CDKAL1: variants seen among roughly 807,000 people sequenced by gnomAD.
CDKAL1 encodes the protein CDKAL1 threonylcarbamoyladenosine tRNA methylthiotransferase, also known as threonylcarbamoyladenosine tRNA methylthiotransferase.
Under a neutral mutation model 68.2 loss-of-function variants are expected in CDKAL1, and 32 were observed. The ratio of observed to expected loss-of-function variants is 0.47; its 90% CI spans 0.35 to 0.63. The LOEUF (loss-of-function observed/expected upper bound fraction) is 0.63, where lower values mean the gene tolerates loss of function less well. Among genes scored for constraint, CDKAL1 ranks in the 30% least tolerant of loss-of-function variants. CDKAL1 has a pLI of 0.00. For missense variants in CDKAL1, 606 were observed against 696.7 expected (o/e 0.87, Z 1.47); for synonymous variants, 234 against 244.3 (o/e 0.96, Z 0.39).
At chr6:20,750,793 A>G (rs1042870601) in intron 6 of CDKAL1, among the ~76,000 whole-genome samples, 35 of 151,748 alleles carry the variant, frequency 2.3e-4, no homozygotes, top group African/African-American at 8.0e-4. Context: ...GTGAAACCCT[A>G]TCTCTGCTAA....
chr6:20,908,000 T>TCTCCCCATAATGAGAAGTGA (rs1475495425), intron 9 of CDKAL1, among the ~76,000 whole-genome samples: 8 of 152,322 alleles, frequency 5.3e-5, no homozygotes, highest in Admixed American at 1.3e-4. Flanking sequence ...ATAATGACCT[T>TCTCCCCATAATGAGAAGTGA]CATTCAGAGA....
chr6:20,853,492 A>T (rs1221670582), intron 9 of CDKAL1, among the ~76,000 whole-genome samples: 1 of 151,988 alleles, frequency 6.6e-6, no homozygotes, highest in Non-Finnish European at 1.5e-5. Flanking sequence ...ATTAATCGAG[A>T]TTCTTCATGG....
intron 9 of CDKAL1, among the ~76,000 whole-genome samples, chr6:20,934,596 G>C (rs1322357255): frequency 1.3e-5 from 2 of 151,968 alleles, no homozygotes; most frequent in African/African-American, 2.4e-5. Context: ...TATAATCCCA[G>C]CACTTTGGGA....
chr6:20,957,079 T>A (rs1399921972), intron 10 of CDKAL1, among the ~76,000 whole-genome samples: 1 of 150,088 alleles, frequency 6.7e-6, no homozygotes, highest in African/African-American at 2.5e-5. Context: ...GCAGTAAATG[T>A]GAGGCATACA....
chr6:20,840,507 C>T (rs1778132343), intron 8 of CDKAL1, among the ~76,000 whole-genome samples: 1 of 152,142 alleles, frequency 6.6e-6, no homozygotes, highest in Non-Finnish European at 1.5e-5. Context: ...GAAACTAACT[C>T]CGAAAGTTCA....
chr6:21,100,468 A>G (rs1418956712), intron 12 of CDKAL1, among the ~76,000 whole-genome samples: 1 of 152,240 alleles, frequency 6.6e-6, no homozygotes, highest in East Asian at 1.9e-4. Context: ...AAGAAGTTCA[A>G]GACAACAGTC....
chr6:20,652,104 T>C (rs1353840931), intron 5 of CDKAL1, among the ~76,000 whole-genome samples: 1 of 152,234 alleles, frequency 6.6e-6, no homozygotes, highest in East Asian at 1.9e-4. Context: ...TTCAGTTGTT[T>C]GGAGTAGTTT....
intron 13 of CDKAL1, among the ~76,000 whole-genome samples, chr6:21,183,599 G>C (rs1327013961): frequency 2.6e-5 from 4 of 152,164 alleles, no homozygotes; most frequent in African/African-American, 7.2e-5. Context: ...TTGAAGTTAT[G>C]AATGTGTTTC....
rs1446544759 is a variant in CDKAL1, at chr6:21,091,885, T to C, written c.1237-16516T>C. On this transcript the variant is annotated intron_variant, in intron 12 of 15. Transcript: ENST00000274695. ...TTTTTTTTTTTTTTTTTTTTTTTTT[T>C]TTTTTTTTTTTTTTTTTTTGAGACG... 5.6e-4 allele frequency among the ~76,000 whole-genome samples: 7 copies of C among 12,540 alleles called. 1 individual carries two copies. Among genetic ancestry groups the C allele is most frequent in the Non-Finnish European group, 7.1e-4 (5 of 6,996 alleles). The allele number at this position is 12,540 out of a possible 152,430, so 8.2% of individuals were successfully genotyped here. A position where few individuals can be genotyped will look rare whatever the true frequency, so the allele number is the denominator to read the frequency against.
At chr6:20,818,345 C>T (rs1190295039) in intron 8 of CDKAL1, among the ~76,000 whole-genome samples, 1 of 152,090 alleles carries the variant, frequency 6.6e-6, no homozygotes, top group African/African-American at 2.4e-5. Flanking sequence ...CAGCAATAAA[C>T]TCAAATTATT....
chr6:20,639,488 C>T (rs1014664530), intron 4 of CDKAL1, among the ~76,000 whole-genome samples: 3 of 152,164 alleles, frequency 2.0e-5, no homozygotes, highest in Non-Finnish European at 4.4e-5. Flanking sequence ...TGCTCGTTCT[C>T]CCAGCGCTCC....
intron 10 of CDKAL1, among the ~76,000 whole-genome samples, chr6:20,977,533 A>G (rs1018401931): frequency 6.6e-6 from 1 of 152,146 alleles, no homozygotes; most frequent in Non-Finnish European, 1.5e-5. Flanking sequence ...GGTCTATATT[A>G]TCTCCTAGGT....
chr6:20,610,783 G>A (rs1766584789), intron 4 of CDKAL1, among the ~76,000 whole-genome samples: 1 of 152,186 alleles, frequency 6.6e-6, no homozygotes, highest in Admixed American at 6.5e-5. Context: ...AATTCTTTCA[G>A]AAAAGATCTG....
chr6:21,064,610 T>C lies in CDKAL1; in HGVS notation c.1056-438T>C, dbSNP rs191539865. ...AACTGAATAGTATATCAATTGGCTC[T>C]ACAGTGAAAGTTATCTTTGCAATTG... On this transcript the variant is annotated intron_variant, in intron 11 of 15. Coordinates refer to ENST00000274695, the MANE Select transcript of CDKAL1 (RefSeq NM_017774.3). 5.5e-4 allele frequency among the ~76,000 whole-genome samples: 84 copies of C among 152,344 alleles called. 1 individual carries two copies. Among genetic ancestry groups the C allele is most frequent in the Admixed American group, 2.7e-3 (41 of 15,312 alleles).
At chr6:21,052,950 C>T (rs1484857928) in intron 11 of CDKAL1, among the ~76,000 whole-genome samples, 2 of 152,106 alleles carry the variant, frequency 1.3e-5, no homozygotes, top group Non-Finnish European at 2.9e-5. Context: ...TATCTGTCTT[C>T]AGAAAGGTAT....
intron 13 of CDKAL1, among the ~76,000 whole-genome samples, chr6:21,162,745 C>G (rs1776976999): frequency 6.6e-6 from 1 of 151,982 alleles, no homozygotes; most frequent in Non-Finnish European, 1.5e-5. Context: ...GGCAACATAG[C>G]AAGACCTTGT....
intron 6 of CDKAL1, among the ~76,000 whole-genome samples, chr6:20,757,180 C>T (rs1774255098): frequency 6.6e-6 from 1 of 151,972 alleles, no homozygotes. Flanking sequence ...TGATCTGCCC[C>T]CTCCTAGGCC....
At chr6:20,629,849 C>G (rs538182106) in intron 4 of CDKAL1, among the ~76,000 whole-genome samples, 1 of 151,750 alleles carries the variant, frequency 6.6e-6, no homozygotes, top group Non-Finnish European at 1.5e-5. Flanking sequence ...TTACCCTGCT[C>G]ATACTTTTTT....
At chr6:20,701,997 T>C (rs1051373233) in intron 5 of CDKAL1, among the ~76,000 whole-genome samples, 3 of 152,160 alleles carry the variant, frequency 2.0e-5, no homozygotes, top group Non-Finnish European at 4.4e-5. Context: ...CTTTCTAGCA[T>C]GGACAGGAGG....
Sources: allele counts gnomAD v4.1 joint callset (sites outside exome capture counted in the v4.1 genomes callset), GRCh38; gene constraint gnomAD v4.1.1; transcripts MANE v1.5; gene names NCBI Gene and HGNC (gene_info 2026-07-23, HGNC 2026-07-21).